The following PLEKHA7 variants were observed in gnomAD, a reference collection of about 807,000 sequenced individuals.
The protein encoded by PLEKHA7 is pleckstrin homology domain-containing family A member 7.
A neutral mutation model predicts 170.0 loss-of-function variants in PLEKHA7; 104 were observed. That is an observed-to-expected ratio of 0.61 (90% CI 0.52 to 0.72). The LOEUF (loss-of-function observed/expected upper bound fraction) is 0.72. Among genes scored for constraint, PLEKHA7 ranks in the 30% least tolerant of loss-of-function variants. The probability of loss-of-function intolerance (pLI) is 0.00; values close to 1 mark genes in which losing one functional copy is unlikely to be tolerated. For synonymous variants in PLEKHA7, 648 were observed against 660.8 expected, an observed-to-expected ratio of 0.98 and a Z score of 0.30; for missense variants, 1,615 against 1,671.7, an observed-to-expected ratio of 0.97 and a Z score of 0.59.
chr11:16,968,021 A>G (rs1304382319), intron 3 of PLEKHA7, among the ~76,000 whole-genome samples: 2 of 152,140 alleles, frequency 1.3e-5, no homozygotes, highest in Non-Finnish European at 2.9e-5. Context: ...AGACGGAGGG[A>G]AAGAAGAAGG....
chr11:16,837,248 C>T (rs767463017), intron 9 of PLEKHA7, among the ~76,000 whole-genome samples: 4 of 152,130 alleles, frequency 2.6e-5, no homozygotes, highest in Non-Finnish European at 4.4e-5. Context: ...GATACAATGG[C>T]CTGAGACTAG....
intron 13 of PLEKHA7, among the ~76,000 whole-genome samples, chr11:16,808,429 A>C (rs1849137212): frequency 6.6e-6 from 1 of 152,174 alleles, no homozygotes; most frequent in African/African-American, 2.4e-5. Flanking sequence ...AATTCAATAG[A>C]ACCCTCCAGG....
chr11:16,943,613 A>T (rs1860832531), intron 3 of PLEKHA7, among the ~76,000 whole-genome samples: 1 of 152,242 alleles, frequency 6.6e-6, no homozygotes, highest in Non-Finnish European at 1.5e-5. Context: ...TGATTAAGTC[A>T]TTGGGCAAGA....
intron 3 of PLEKHA7, among the ~76,000 whole-genome samples, chr11:16,961,590 G>A (rs1315194920): frequency 2.6e-5 from 4 of 152,188 alleles, no homozygotes; most frequent in African/African-American, 7.2e-5. Flanking sequence ...ATTCTCCCCT[G>A]GGCAGCATCA....
Position 16,871,137 on chromosome 11 carries a change from C to T in PLEKHA7, c.267G>A (p.Gln89=). 6.2e-7 allele frequency: 1 copy of T among 1,609,430 alleles called. No homozygotes were observed. Among genetic ancestry groups the T allele is most frequent in the Non-Finnish European group, 8.5e-7 (1 of 1,175,874 alleles). ...TGAATTCACTATTTTCTGGAGAAAA[C>T]TGTCCCGTCACAGGATGCCTGAATG... The part of the protein sequence containing the change: ...TTAFRHPVTG[Q]FSPENSEFIL... Residue 89 remains glutamine, a synonymous_variant, in exon 4 of 27, where the codon CAG becomes CAA. Transcript: ENST00000531066.
At chr11:16,805,583 AGTT>A (rs1848908289) in intron 13 of PLEKHA7, among the ~76,000 whole-genome samples, 1 of 152,012 alleles carries the variant, frequency 6.6e-6, no homozygotes, top group Non-Finnish European at 1.5e-5. Context: ...TGAGGTCAGG[AGTT>A]CAAGATCAGT....
chr11:16,993,511 T>G (rs1200996454), intron 3 of PLEKHA7, among the ~76,000 whole-genome samples: 2 of 152,162 alleles, frequency 1.3e-5, no homozygotes, highest in Admixed American at 6.5e-5. Flanking sequence ...GAAGAGCCAC[T>G]GAGCATACAG....
chr11:16,959,666 A>G (rs17773381), intron 3 of PLEKHA7, among the ~76,000 whole-genome samples: 51,506 of 152,050 alleles, frequency 0.34, 9,186 homozygotes, highest in Non-Finnish European at 0.39. Flanking sequence ...CCGTGAAACC[A>G]CAGTGGTATT....
At chr11:16,799,907 T>C (rs1452833901) in intron 17 of PLEKHA7, among the ~76,000 whole-genome samples, 1 of 152,160 alleles carries the variant, frequency 6.6e-6, no homozygotes, top group Non-Finnish European at 1.5e-5. Flanking sequence ...CATCTCTGCA[T>C]GAATAGAGGG....
intron 4 of PLEKHA7, among the ~76,000 whole-genome samples, chr11:16,857,431 G>A (rs1853556831): frequency 6.6e-6 from 1 of 152,242 alleles, no homozygotes; most frequent in Admixed American, 6.5e-5. Flanking sequence ...CCACTGGGAG[G>A]GAGAATGTCA....
intron 3 of PLEKHA7, among the ~76,000 whole-genome samples, chr11:17,004,102 G>A (rs1409565862): frequency 2.6e-5 from 4 of 152,144 alleles, no homozygotes; most frequent in Admixed American, 6.5e-5. Context: ...GCATCTGGCC[G>A]AAGAATTGAT....
rs1458212780 is a variant in PLEKHA7, at chr11:16,777,578, GT to G, written c.*1419del. ...TAAAGTGTGGCTCCACCCAATGGAGGTTTTCGTTGTTGTTGTTTTTTCCATT... is the reference window on the plus strand; with the variant it reads ...TAAAGTGTGGCTCCACCCAATGGAGGTTTCGTTGTTGTTGTTTTTTCCATT... On this transcript the variant is annotated 3_prime_UTR_variant, in exon 27 of 27. Coordinates refer to ENST00000531066, the MANE Select transcript of PLEKHA7 (RefSeq NM_001329630.2). 6.6e-6 allele frequency: 1 copy of G among 152,148 alleles called. No homozygotes were observed. The highest frequency in any genetic ancestry group is 1.5e-5 in the Non-Finnish European group (1 of 68,024). The allele number at this position is 152,148 out of a possible 1,614,324, so 9.4% of individuals were successfully genotyped here. A position where few individuals can be genotyped will look rare whatever the true frequency, so the allele number is the denominator to read the frequency against.
chr11:16,793,166 G>A (rs1246115605), intron 19 of PLEKHA7, among the ~76,000 whole-genome samples: 1 of 152,220 alleles, frequency 6.6e-6, no homozygotes, highest in Non-Finnish European at 1.5e-5. Context: ...AGGACACAGT[G>A]AGAGAATCAG....
chr11:16,992,345 G>T (rs1169671919), intron 3 of PLEKHA7, among the ~76,000 whole-genome samples: 1 of 152,238 alleles, frequency 6.6e-6, no homozygotes, highest in Non-Finnish European at 1.5e-5. Context: ...GGTGATATGG[G>T]TTCAAGCCCT....
At chr11:16,780,673 C>T (rs923822739) in intron 26 of PLEKHA7, among the ~76,000 whole-genome samples, 8 of 152,310 alleles carry the variant, frequency 5.3e-5, no homozygotes, top group African/African-American at 1.4e-4. Context: ...GGGATGGGGG[C>T]ACAGTTCCGG....
In PLEKHA7 at chr11:16,789,911, G is replaced by T. The variant is rs771529807; in HGVS notation, c.3053-33C>A. 4 of 1,581,670 alleles carry T rather than the reference G, an allele frequency of 2.5e-6. No homozygotes were observed. In the African/African-American group the frequency reaches 5.4e-5, roughly 21 times the overall value. ...AGGAAAGAGAAGTGCAAGCATGTTT[G>T]TGCTGGGGTGGATGGGTCCCTGCTT... On this transcript the variant is annotated intron_variant, in intron 21 of 26. Coordinates refer to ENST00000531066, the MANE Select transcript of PLEKHA7 (RefSeq NM_001329630.2). This position sits in a 1 kb window ranked among gnomAD's most constrained non-coding sequence, Gnocchi z 4.6.
At chr11:16,795,247 T>C (rs749234605) in intron 17 of PLEKHA7, 3 of 521,936 alleles carry the variant, frequency 5.7e-6, no homozygotes, top group East Asian at 3.3e-5. Flanking sequence ...GCAGTCCAGC[T>C]TGCCTACCTA....
At chr11:16,993,356 T>C (rs1478637129) in intron 3 of PLEKHA7, among the ~76,000 whole-genome samples, 2 of 152,036 alleles carry the variant, frequency 1.3e-5, no homozygotes, top group African/African-American at 2.4e-5. Context: ...AGGAAACAAT[T>C]CCTGCAGGTT....
chr11:16,876,500 G>A (rs1208032964), intron 3 of PLEKHA7, among the ~76,000 whole-genome samples: 1 of 152,258 alleles, frequency 6.6e-6, no homozygotes, highest in Admixed American at 6.5e-5. Context: ...AGGGAACATG[G>A]ACAGAAGATG....
Sources: gnomAD v4.1 joint callset for allele counts (sites outside exome capture counted in the v4.1 genomes callset) on GRCh38, gnomAD v4.1.1 for gene constraint, Gnocchi (gnomAD v3.1) non-coding constraint, MANE v1.5 for transcripts, NCBI Gene and HGNC (gene_info 2026-07-23, HGNC 2026-07-21) for gene names.